SLC2A9: variants seen among roughly 807,000 people sequenced by gnomAD.
SLC2A9 encodes the protein solute carrier family 2, facilitated glucose transporter member 9.
SLC2A9 carries 39 observed loss-of-function variants against 50.6 expected under a neutral mutation model. The observed-to-expected ratio is 0.77, with a 90% CI of 0.60 to 1.01. The LOEUF is 1.01. Ranked by LOEUF, SLC2A9 falls within the 50% of genes least tolerant of loss-of-function variation. SLC2A9 has a pLI of 0.00. For synonymous variants in SLC2A9, 324 were observed against 276.9 expected (o/e 1.17, Z -1.69); for missense variants, 686 against 677.6 (o/e 1.01, Z -0.14).
At chr4:9,945,143 C>T (rs1259573692) in intron 5 of SLC2A9, among the ~76,000 whole-genome samples, 5 of 152,244 alleles carry the variant, frequency 3.3e-5, no homozygotes, top group African/African-American at 1.2e-4. Flanking sequence ...GGGCTTGCAG[C>T]CAGGATCAGG....
At chr4:9,837,972 T>A (rs1164762483) in intron 10 of SLC2A9, among the ~76,000 whole-genome samples, 2 of 152,240 alleles carry the variant, frequency 1.3e-5, no homozygotes, top group African/African-American at 4.8e-5. Flanking sequence ...AACGGAATTC[T>A]CTCACCTGTA....
rs143885121 is a variant in SLC2A9 at position 9,926,024 on chromosome 4, C to T, written c.815-5452G>A. Among the ~76,000 whole-genome samples the T allele has an allele frequency of 4.2e-3, 637 of 152,208 alleles. 3 individuals are homozygous for T. Among genetic ancestry groups the T allele is most frequent in the Middle Eastern group, 0.034 (10 of 294 alleles). On this transcript the variant is annotated intron_variant, in intron 6 of 11. Coordinates refer to ENST00000264784, the MANE Select transcript of SLC2A9 (RefSeq NM_020041.3). ...GACTGCAAGCAGATGAGATGGAGCC[C>T]GCCAGCCTCCCTTGGGGTCCTCAGA...
chr4:9,927,360 T>C lies in SLC2A9; in HGVS notation c.815-6788A>G, dbSNP rs188432255. On this transcript the variant is annotated intron_variant, in intron 6 of 11. Transcript: ENST00000264784. ...GCCACTAACTCATGGCACTTTGTTA[T>C]GGCAGCAGCCACACTTTGTCACCTC... 3.9e-3 allele frequency among the ~76,000 whole-genome samples: 590 copies of C among 152,366 alleles called. 5 individuals are homozygous for C. The highest frequency in any genetic ancestry group is 0.013 in the African/African-American group (554 of 41,582).
chr4:9,903,924 A>G (rs1740143251), intron 8 of SLC2A9, among the ~76,000 whole-genome samples: 1 of 147,796 alleles, frequency 6.8e-6, no homozygotes, highest in African/African-American at 2.5e-5. Flanking sequence ...AAATATATCT[A>G]CATATTTTAT....
intron 10 of SLC2A9, among the ~76,000 whole-genome samples, chr4:9,839,846 G>A (rs1298502968): frequency 7.2e-5 from 11 of 152,048 alleles, no homozygotes; most frequent in Admixed American, 7.2e-4. Context: ...AAACAGAGAG[G>A]ATCAGGAAAA....
intron 5 of SLC2A9, among the ~76,000 whole-genome samples, chr4:9,956,337 T>A (rs1258711429): frequency 7.1e-6 from 1 of 141,718 alleles, no homozygotes; most frequent in Admixed American, 7.0e-5. Flanking sequence ...CAAAAAAAAA[T>A]TAGCCGGGCA....
chr4:9,910,536 C>T (rs894358756), intron 7 of SLC2A9, among the ~76,000 whole-genome samples: 4 of 152,208 alleles, frequency 2.6e-5, no homozygotes, highest in African/African-American at 7.2e-5. Context: ...CCTCTTAATG[C>T]CCTCAGGCTG....
At position 9,970,724 on chromosome 4, in the gene SLC2A9, T is replaced by C. The variant is rs74874010; in HGVS notation, c.681+9868A>G. Among the ~76,000 whole-genome samples the C allele has an allele frequency of 4.8e-3, 718 of 150,562 alleles. 4 individuals carry two copies. The highest frequency in any genetic ancestry group is 8.0e-3 in the Non-Finnish European group (542 of 67,822). On this transcript the variant is annotated intron_variant, in intron 5 of 11. Coordinates refer to ENST00000264784, the MANE Select transcript of SLC2A9 (RefSeq NM_020041.3). Reference sequence around the variant, plus strand: ...TACAATGAGGGAAGAAAGAGACCTCTCATATTGTTTTATACTCAGTACCTG... The same window carrying C: ...TACAATGAGGGAAGAAAGAGACCTCCCATATTGTTTTATACTCAGTACCTG...
chr4:9,983,360 G>T (rs1235977917), intron 4 of SLC2A9, among the ~76,000 whole-genome samples: 1 of 152,182 alleles, frequency 6.6e-6, no homozygotes, highest in East Asian at 1.9e-4. Flanking sequence ...GGACTTGCTT[G>T]GGCCAAAGGG....
At chr4:9,877,756 A>G (rs1734530959) in intron 10 of SLC2A9, among the ~76,000 whole-genome samples, 1 of 152,132 alleles carries the variant, frequency 6.6e-6, no homozygotes, top group African/African-American at 2.4e-5. Context: ...AATGTCATAC[A>G]AGTGGGTGGC....
intron 1 of SLC2A9, among the ~76,000 whole-genome samples, chr4:10,020,460 G>T (rs187776922): frequency 2.0e-5 from 3 of 152,162 alleles, no homozygotes; most frequent in Admixed American, 2.0e-4. Flanking sequence ...GATCACATGC[G>T]GGGGCAAGAG....
chr4:10,029,603 T>TTTTAC (rs1331262015), intron 1 of SLC2A9, among the ~76,000 whole-genome samples: 2 of 148,010 alleles, frequency 1.4e-5, no homozygotes, highest in Non-Finnish European at 3.0e-5. Context: ...TATTATTTTA[T>TTTTAC]TTTATTTTAT....
chr4:9,833,314 C>G (rs998131824), intron 11 of SLC2A9, among the ~76,000 whole-genome samples: 3 of 152,148 alleles, frequency 2.0e-5, no homozygotes, highest in Non-Finnish European at 4.4e-5. Context: ...ACAAAGATGT[C>G]TTGAAAGTTA....
At chr4:9,859,842 C>T (rs1281548254) in intron 10 of SLC2A9, among the ~76,000 whole-genome samples, 1 of 152,228 alleles carries the variant, frequency 6.6e-6, no homozygotes, top group Non-Finnish European at 1.5e-5. Context: ...TTTGCAGAAC[C>T]GGCAGCCCCA....
rs543455263 is a variant in SLC2A9 at position 9,820,163 on chromosome 4, T to C, written n.420+6257A>G. ...TCATTTTGAATTCATTTTGAATTCATTTTTAAGGAGTGAGATATAGGTTGG... is the reference window on the plus strand; with the variant it reads ...TCATTTTGAATTCATTTTGAATTCACTTTTAAGGAGTGAGATATAGGTTGG... On this transcript the variant is annotated intron_variant and non_coding_transcript_variant, in intron 3 of 3. Transcript: ENST00000503280. Among the ~76,000 whole-genome samples the C allele has an allele frequency of 5.3e-5, 8 of 152,352 alleles. No individual in the cohort carries two copies. The South Asian group carries it at 1.0e-3, about 20-fold the overall frequency.
Position 9,787,439 on chromosome 4 carries a change from G to C in SLC2A9, n.386-7374C>G, listed in dbSNP as rs1336130481. 1.3e-5 allele frequency among the ~76,000 whole-genome samples: 2 copies of C among 152,170 alleles called. 1 individual carries two copies. The highest frequency in any genetic ancestry group is 2.9e-5 in the Non-Finnish European group (2 of 68,044). On this transcript the variant is annotated intron_variant and non_coding_transcript_variant, in intron 3 of 3. Transcript: ENST00000503803. The stretch of plus-strand genomic sequence containing the variant: ...AGAATTTCTGAATATTGTTTACCCA[G>C]ATCCCCCAAACATCAATGTTTCACT...
chr4:10,029,668 G>T (rs999023899), intron 1 of SLC2A9, among the ~76,000 whole-genome samples: 1 of 151,070 alleles, frequency 6.6e-6, no homozygotes, highest in Non-Finnish European at 1.5e-5. Context: ...CCAGGCTGGA[G>T]TGCAATGGCA....
In SLC2A9 at chr4:9,979,212, CCT is replaced by C. The variant is rs1755296055; in HGVS notation, c.681+1378_681+1379del. 2.0e-5 allele frequency among the ~76,000 whole-genome samples: 3 copies of C among 152,152 alleles called. No individual in the cohort carries two copies. In the South Asian group the frequency reaches 6.2e-4, roughly 32 times the overall value. Reference sequence around the variant, plus strand: ...TTGTTTGTGAGAGCTCTGTCCCTTACCTCTCTCTGCTTGCGTCCAAGGCTGCA... The same window carrying C: ...TTGTTTGTGAGAGCTCTGTCCCTTACCTCTCTGCTTGCGTCCAAGGCTGCA... On this transcript the variant is annotated intron_variant, in intron 5 of 11. Coordinates refer to ENST00000264784, the MANE Select transcript of SLC2A9 (RefSeq NM_020041.3).
chr4:9,797,613 A>C (rs2280206), downstream of SLC2A9, among the ~76,000 whole-genome samples: 79,579 of 152,024 alleles, frequency 0.52, 22,215 homozygotes, highest in Non-Finnish European at 0.64. Flanking sequence ...CAAGTTATCA[A>C]CTGCCACCAA....
Sources: allele counts gnomAD v4.1 joint callset (sites outside exome capture counted in the v4.1 genomes callset), GRCh38; gene constraint gnomAD v4.1.1; transcripts MANE v1.5; gene names NCBI Gene and HGNC (gene_info 2026-07-23, HGNC 2026-07-21).